Variants in NBPF11 observed in about 807,000 individuals in gnomAD.
The protein encoded by NBPF11 is NBPF family member NBPF11.
In NBPF11, 72 loss-of-function variants were observed where a neutral mutation model predicts 93.9. The observed-to-expected ratio is 0.77, with a 90% confidence interval of 0.63 to 0.93. The LOEUF is 0.93. Among genes scored for constraint, NBPF11 ranks in the 40% least tolerant of loss-of-function variants. NBPF11 has a pLI of 0.00. For missense variants in NBPF11, 705 were observed against 802.2 expected (o/e 0.88, Z 1.46); for synonymous variants, 224 against 304.9 (o/e 0.73, Z 2.76).
chr1:148,103,770 G>A lies in NBPF11; in HGVS notation c.*126C>T. 1.2e-6 allele frequency: 2 copies of A among 1,611,888 alleles called. No individual in the cohort carries two copies. Among genetic ancestry groups the A allele is most frequent in the Non-Finnish European group, 8.5e-7 (1 of 1,179,456 alleles). ...ATGTCAAGGGCAAAGCTGATGTGCT[G>A]TTCCTCAAATGAGTAAAACACACTT... is the stretch of plus-strand genomic sequence containing the variant. On this transcript the variant is annotated 3_prime_UTR_variant, in exon 24 of 24. Transcript: ENST00000682118.
chr1:148,149,031 C>A, intron 1 of NBPF11: 2 of 729,342 alleles, frequency 2.7e-6, no homozygotes, highest in East Asian at 5.5e-5. Flanking sequence ...GGAGCCTGAG[C>A]CTGACCCACT....
At position 148,141,159 on chromosome 1, in the gene NBPF11, T is replaced by C. The variant is rs1390158598; in HGVS notation, c.-277+2256A>G. Among the ~76,000 whole-genome samples the C allele has an allele frequency of 5.9e-4, 89 of 151,840 alleles. 1 individual carries two copies. The highest frequency in any genetic ancestry group is 1.8e-3 in the African/African-American group (74 of 41,254). Reference sequence around the variant, plus strand: ...CAGGGGTGGAGGAGAGGAGGAGGCATGAAATGGTGAAGCACAGGGAATTTT... The same window carrying C: ...CAGGGGTGGAGGAGAGGAGGAGGCACGAAATGGTGAAGCACAGGGAATTTT... On this transcript the variant is annotated intron_variant, in intron 2 of 23. Transcript: ENST00000682118.
Position 148,146,786 on chromosome 1 carries a change from A to G in NBPF11, c.-548-3100T>C, listed in dbSNP as rs1388398403. ...GACCTGGGCCAGATGAGCAGCTTCT[A>G]CATTGGCCTGGGCTCCCGCCTCCAC... On this transcript the variant is annotated intron_variant, in intron 1 of 23. Coordinates refer to ENST00000682118, the MANE Select transcript of NBPF11 (RefSeq NM_001385469.3). 7 of 1,613,198 alleles carry G rather than the reference A, an allele frequency of 4.3e-6. No individual in the cohort carries two copies. The South Asian group carries it at 5.5e-5, about 13-fold the overall frequency.
intron 17 of NBPF11, 51 bp downstream of exon 17, chr1:148,109,233 C>T (rs1553268090): frequency 7.7e-6 from 7 of 914,568 alleles, no homozygotes; most frequent in Admixed American, 3.4e-5. Context: ...CTGGACTTGG[C>T]ATCTCCAGGT....
Position 148,122,722 on chromosome 1 carries a change from A to G in NBPF11, c.566+7T>C, listed in dbSNP as rs200449036. Reference sequence around the variant, plus strand: ...CCCATTACTTGCTCCTGAGTATTCAATGTTACCTGGGGGCAGATGATTCCA... The same window carrying G: ...CCCATTACTTGCTCCTGAGTATTCAGTGTTACCTGGGGGCAGATGATTCCA... On this transcript the variant is annotated splice_region_variant and intron_variant, in intron 8 of 23. Coordinates refer to ENST00000682118, the MANE Select transcript of NBPF11 (RefSeq NM_001385469.3). 35 of 1,609,542 alleles carry G rather than the reference A, an allele frequency of 2.2e-5. No homozygotes were observed. In the East Asian group the frequency reaches 2.7e-4, roughly 12 times the overall value.
At chr1:148,140,971 G>A (rs1305578129) in intron 2 of NBPF11, among the ~76,000 whole-genome samples, 1 of 152,022 alleles carries the variant, frequency 6.6e-6, no homozygotes, top group Admixed American at 6.5e-5. Context: ...TCTGATTCAG[G>A]GATTTTACAA....
At chr1:148,117,182 G>A (rs1412385072) in intron 12 of NBPF11, among the ~76,000 whole-genome samples, 2 of 151,692 alleles carry the variant, frequency 1.3e-5, no homozygotes, top group Admixed American at 6.6e-5. Flanking sequence ...AGAAACTCAG[G>A]AAGGACAAGT....
At chr1:148,106,813 A>G (rs1376368591) in intron 20 of NBPF11, 129 bp downstream of exon 20, 36 of 732,090 alleles carry the variant, frequency 4.9e-5, no homozygotes, top group Middle Eastern at 7.2e-4. Flanking sequence ...ATTACAACCT[A>G]TATGCACCCA....
chr1:148,104,003 T>A, intron 23 of NBPF11, 91 bp from the exon 24 acceptor site: 1 of 1,607,228 alleles, frequency 6.2e-7, no homozygotes, highest in Non-Finnish European at 8.5e-7. Context: ...AAGGAAGTGG[T>A]TGGAAAAGAA....
rs587760679 is a variant in NBPF11, at chr1:148,145,865, G to A, written c.-548-2179C>T. On this transcript the variant is annotated intron_variant, in intron 1 of 23. Transcript: ENST00000682118. The stretch of plus-strand genomic sequence containing the variant: ...ACTGCACTCCAGCCTGGGCAACAGA[G>A]TGAGATCTTGTCTCAAAAAGAAAAA... Among the ~76,000 whole-genome samples the A allele has an allele frequency of 2.0e-5, 3 of 151,642 alleles. No homozygotes were observed. In the South Asian group the frequency reaches 6.3e-4, roughly 32 times the overall value.
chr1:148,132,657 T>C lies in NBPF11; in HGVS notation c.-36+3015A>G, dbSNP rs1225911702. On this transcript the variant is annotated intron_variant, in intron 4 of 23. Transcript: ENST00000682118. ...TCTCCCCACTAATTTAGTTCTTTCA[T>C]AATTTCTCAAAGCAATTTTTTGTAG... Among the ~76,000 whole-genome samples, 490 of 146,660 alleles carry C rather than the reference T, an allele frequency of 3.3e-3. 1 individual carries two copies. Among genetic ancestry groups the C allele is most frequent in the African/African-American group, 0.011 (435 of 39,410 alleles).
chr1:148,146,484 G>T, intron 1 of NBPF11: 2 of 1,604,204 alleles, frequency 1.2e-6, no homozygotes, highest in Non-Finnish European at 8.5e-7. Flanking sequence ...CCTTCCTGCC[G>T]CCGGAGGCCA....
At chr1:148,149,386 C>T (rs1379739135) in intron 1 of NBPF11, 43 of 1,592,358 alleles carry the variant, frequency 2.7e-5, no homozygotes, top group African/African-American at 6.8e-5. Context: ...TCATCATCCA[C>T]GGCAGGGAGG....
At position 148,106,853 on chromosome 1, in the gene NBPF11, C is replaced by G. The variant is rs1333540388; in HGVS notation, c.2251+89G>C. 4 of 806,780 alleles carry G rather than the reference C, an allele frequency of 5.0e-6. 1 individual carries two copies. The highest frequency in any genetic ancestry group is 8.6e-6 in the Non-Finnish European group (4 of 464,786). The allele number at this position is 806,780 out of a possible 1,614,324, so 50.0% of individuals were successfully genotyped here. A position where few individuals can be genotyped will look rare whatever the true frequency, so the allele number is the denominator to read the frequency against. On this transcript the variant is annotated intron_variant, in intron 20 of 23. Coordinates refer to ENST00000682118, the MANE Select transcript of NBPF11 (RefSeq NM_001385469.3). ...TCCTGCCTGTGGCAATGAAGTCTCT[C>G]GGGTCAGTAAGGGCCACTTGGAACA...
intron 12 of NBPF11, among the ~76,000 whole-genome samples, chr1:148,116,909 G>A (rs1415497936): frequency 6.6e-6 from 1 of 152,158 alleles, no homozygotes; most frequent in African/African-American, 2.4e-5. Context: ...CTTTCTCTTA[G>A]AAGCAAACTT....
At chr1:148,108,814 G>C (rs1299733913) in intron 17 of NBPF11, among the ~76,000 whole-genome samples, 160 bp from the exon 18 acceptor site, 1 of 143,180 alleles carries the variant, frequency 7.0e-6, no homozygotes. Context: ...GATAGACTAG[G>C]GCCAGGTAGA....
chr1:148,151,202 T>C (rs1229076221), intron 1 of NBPF11, among the ~76,000 whole-genome samples: 5 of 151,896 alleles, frequency 3.3e-5, no homozygotes, highest in African/African-American at 4.9e-5. Context: ...CTGTGGTTAA[T>C]TGGAGGCTTG....
chr1:148,107,435 G>C (rs1482492625), intron 19 of NBPF11, among the ~76,000 whole-genome samples: 8,871 of 116,684 alleles, frequency 0.076, 23 homozygotes, highest in African/African-American at 0.12. Context: ...ATCATGAAAA[G>C]AGTGGGCTCA....
At chr1:148,146,682 C>A in intron 1 of NBPF11, 2 of 1,611,854 alleles carry the variant, frequency 1.2e-6, no homozygotes, top group Non-Finnish European at 1.7e-6. Context: ...GCGCCCGCGG[C>A]AACCGTGTCT....
Sources: gnomAD v4.1 joint callset for allele counts (sites outside exome capture counted in the v4.1 genomes callset) on GRCh38, gnomAD v4.1.1 for gene constraint, MANE v1.5 for transcripts, NCBI Gene and HGNC (gene_info 2026-07-23, HGNC 2026-07-21) for gene names.